Variants in COX7B2 observed in about 807,000 individuals in gnomAD.
The protein encoded by COX7B2 is cytochrome c oxidase subunit 7B2.
For missense variants in COX7B2, 109 were observed against 95.9 expected (o/e 1.14, Z -0.57); for synonymous variants, 37 against 32.1 (o/e 1.15, Z -0.51).
At chr4:46,836,601 AAAG>A (rs1207330203) in intron 2 of COX7B2, among the ~76,000 whole-genome samples, 1 of 152,118 alleles carries the variant, frequency 6.6e-6, no homozygotes, top group Non-Finnish European at 1.5e-5. Context: ...TTAAAAAAAA[AAAG>A]AAGGAGCACA....
chr4:46,898,654 G>A (rs1284964070), intron 1 of COX7B2, among the ~76,000 whole-genome samples: 2 of 151,694 alleles, frequency 1.3e-5, no homozygotes, highest in East Asian at 3.9e-4. Flanking sequence ...CAAACTCCTG[G>A]GCCCAAGAGA....
At chr4:46,814,405 G>A (rs1178854257) in intron 2 of COX7B2, among the ~76,000 whole-genome samples, 4 of 152,190 alleles carry the variant, frequency 2.6e-5, no homozygotes, top group Non-Finnish European at 5.9e-5. Flanking sequence ...GATCCATAAT[G>A]TGTCTCTTTA....
At chr4:46,778,111 T>G (rs1577694016) in intron 2 of COX7B2, among the ~76,000 whole-genome samples, 1 of 152,258 alleles carries the variant, frequency 6.6e-6, no homozygotes, top group South Asian at 2.1e-4. Flanking sequence ...AAGAGCATTT[T>G]TCTTAACTGG....
rs1714279917 is a variant in COX7B2 at position 46,735,076 on chromosome 4, A to C, written c.117T>G (p.Gly39=). ...CAGTTCCACTGGCTAGCACAGCATTACCATATTTATCATGAAAATCTGGTG... is the reference window on the plus strand; with the variant it reads ...CAGTTCCACTGGCTAGCACAGCATTCCCATATTTATCATGAAAATCTGGTG... ...KHSPDFHDKY[G]NAVLASGTAF... is the part of the protein sequence containing the mutation. The change falls in exon 3 of 3, where the codon GGT becomes GGG. Residue 39 remains glycine (G), a synonymous_variant. Transcript: ENST00000355591. 2 of 1,613,940 alleles carry C rather than the reference A, an allele frequency of 1.2e-6. No individual in the cohort carries two copies. Among genetic ancestry groups the C allele is most frequent in the Admixed American group, 1.7e-5 (1 of 59,990 alleles).
chr4:46,900,083 C>G (rs1297170739), intron 1 of COX7B2, among the ~76,000 whole-genome samples: 1 of 152,152 alleles, frequency 6.6e-6, no homozygotes, highest in East Asian at 1.9e-4. Flanking sequence ...AATGATGGAG[C>G]TAACTGTTCT....
At chr4:46,835,995 T>G (rs530159174) in intron 2 of COX7B2, among the ~76,000 whole-genome samples, 1 of 152,238 alleles carries the variant, frequency 6.6e-6, no homozygotes, top group East Asian at 1.9e-4. Context: ...AGTAAAAATA[T>G]GGTATAAAAG....
At chr4:46,760,870 A>G (rs1041967387) in intron 2 of COX7B2, among the ~76,000 whole-genome samples, 7 of 152,224 alleles carry the variant, frequency 4.6e-5, no homozygotes, top group African/African-American at 1.7e-4. Context: ...TCAAAATTCA[A>G]CAAAGAAATG....
Position 46,831,143 on chromosome 4 carries a change from G to A in COX7B2, c.-50+13817C>T, listed in dbSNP as rs534238382. ...GGCCCCGCATTGGGAGTGGCCGGCC[G>A]GCCTGCCAGCCCCGGGCAGTGAAAG... On this transcript the variant is annotated intron_variant, in intron 2 of 2. Transcript: ENST00000355591. Among the ~76,000 whole-genome samples, 29 of 152,268 alleles carry A rather than the reference G, an allele frequency of 1.9e-4. No individual in the cohort carries two copies. The South Asian group carries it at 4.3e-3, about 23-fold the overall frequency.
At chr4:46,812,727 A>G (rs1719349342) in intron 2 of COX7B2, among the ~76,000 whole-genome samples, 1 of 152,132 alleles carries the variant, frequency 6.6e-6, no homozygotes, top group African/African-American at 2.4e-5. Flanking sequence ...CTGAAGGTGC[A>G]TAACCACAGC....
At chr4:46,860,087 C>T (rs1717244159) in intron 1 of COX7B2, among the ~76,000 whole-genome samples, 1 of 152,140 alleles carries the variant, frequency 6.6e-6, no homozygotes, top group South Asian at 2.1e-4. Flanking sequence ...TCTTCTGGTG[C>T]CCAGCATGTG....
chr4:46,900,657 T>C (rs9291295), intron 1 of COX7B2, among the ~76,000 whole-genome samples: 36,593 of 152,148 alleles, frequency 0.24, 4,622 homozygotes, highest in East Asian at 0.29. Context: ...AGTGATGATA[T>C]TAAGAGGTGG....
At chr4:46,884,449 T>C (rs1379387008) in intron 1 of COX7B2, among the ~76,000 whole-genome samples, 3 of 152,262 alleles carry the variant, frequency 2.0e-5, no homozygotes, top group Non-Finnish European at 4.4e-5. Flanking sequence ...ATCTCAGTTT[T>C]TGAAGCAACA....
intron 2 of COX7B2, among the ~76,000 whole-genome samples, chr4:46,824,645 C>T (rs1203182508): frequency 3.7e-5 from 5 of 135,870 alleles, no homozygotes; most frequent in Non-Finnish European, 6.2e-5. Context: ...GTGAGTATTA[C>T]TGTTTGTGTA....
intron 2 of COX7B2, among the ~76,000 whole-genome samples, chr4:46,810,173 G>A (rs1300425534): frequency 6.6e-6 from 1 of 151,870 alleles, no homozygotes; most frequent in Admixed American, 6.6e-5. Flanking sequence ...GTTGGATATT[G>A]ATTTTTATCC....
At chr4:46,793,938 A>G (rs2109594824) in intron 2 of COX7B2, among the ~76,000 whole-genome samples, 1 of 152,284 alleles carries the variant, frequency 6.6e-6, no homozygotes, top group Admixed American at 6.5e-5. Context: ...ATCTACATTC[A>G]TAGTGGTATT....
intron 2 of COX7B2, among the ~76,000 whole-genome samples, chr4:46,744,879 G>A (rs1014476419): frequency 4.0e-5 from 6 of 151,252 alleles, no homozygotes; most frequent in Admixed American, 3.3e-4. Context: ...ACAGGCGCAC[G>A]CTGGCACGCC....
In COX7B2 at chr4:46,836,381, T is replaced by C. The variant is rs370004952; in HGVS notation, c.-50+8579A>G. Among the ~76,000 whole-genome samples the C allele has an allele frequency of 1.4e-4, 21 of 151,884 alleles. 1 individual carries two copies. The highest frequency in any genetic ancestry group is 5.1e-4 in the African/African-American group (21 of 41,396). On this transcript the variant is annotated intron_variant, in intron 2 of 2. Transcript: ENST00000355591. Reference sequence around the variant, plus strand: ...TTTTTTTTATATTTTTTTAAAGTAGTTAAAATCTAAAATGCAAAAACACAC... The same window carrying C: ...TTTTTTTTATATTTTTTTAAAGTAGCTAAAATCTAAAATGCAAAAACACAC...
chr4:46,845,896 C>G (rs1385660163), intron 1 of COX7B2, among the ~76,000 whole-genome samples: 2 of 151,946 alleles, frequency 1.3e-5, no homozygotes, highest in Admixed American at 1.3e-4. Context: ...ACAGCAAAGT[C>G]AGAGGCAGTG....
At chr4:46,809,072 TC>T (rs1560395159) in intron 2 of COX7B2, among the ~76,000 whole-genome samples, 1 of 151,914 alleles carries the variant, frequency 6.6e-6, no homozygotes, top group East Asian at 1.9e-4. Context: ...AGGAATTTTT[TC>T]ATTTCACCTA....
Sources: gnomAD v4.1 joint callset for allele counts (sites outside exome capture counted in the v4.1 genomes callset) on GRCh38, gnomAD v4.1.1 for gene constraint, MANE v1.5 for transcripts, NCBI Gene and HGNC (gene_info 2026-07-23, HGNC 2026-07-21) for gene names.